Variants in TBC1D22A observed in about 807,000 individuals in gnomAD.
TBC1D22A encodes the protein TBC1 domain family member 22A.
Under a neutral mutation model 60.2 loss-of-function variants are expected in TBC1D22A, and 38 were observed. The observed-to-expected ratio is 0.63, with a 90% confidence interval of 0.49 to 0.83. The LOEUF (loss-of-function observed/expected upper bound fraction) is 0.83. Ranked by LOEUF, TBC1D22A falls within the 40% of genes least tolerant of loss-of-function variation. The pLI is 0.00. For missense variants in TBC1D22A, 628 were observed against 701.0 expected (o/e 0.90, Z 1.18); for synonymous variants, 302 against 281.7 (o/e 1.07, Z -0.72).
intron 4 of TBC1D22A, among the ~76,000 whole-genome samples, chr22:46,799,730 C>T (rs928983719): frequency 3.9e-5 from 6 of 152,158 alleles, no homozygotes; most frequent in Non-Finnish European, 7.3e-5. Context: ...TGTGGGATGT[C>T]CCTTGGTTTG....
intron 5 of TBC1D22A, among the ~76,000 whole-genome samples, chr22:46,889,313 A>C (rs1172100875): frequency 6.6e-6 from 1 of 152,212 alleles, no homozygotes; most frequent in Non-Finnish European, 1.5e-5. Context: ...ATCATTATGG[A>C]AACGAAATTA....
chr22:46,792,612 TC>T, intron 2 of TBC1D22A, 36 bp downstream of exon 2: 3 of 1,614,126 alleles, frequency 1.9e-6, no homozygotes, highest in Non-Finnish European at 2.5e-6. Flanking sequence ...GCGTCTCGGC[TC>T]TGATATGGGA....
rs146386859 is a variant in TBC1D22A, at chr22:47,009,477, TATCACCATCATTTC to T, written c.1201+11780_1201+11793del. Among the ~76,000 whole-genome samples the T allele has an allele frequency of 1.2e-5, 1 of 86,408 alleles. No individual in the cohort carries two copies. Among genetic ancestry groups the T allele is most frequent in the Non-Finnish European group, 2.8e-5 (1 of 35,858 alleles). 56.7% of individuals were successfully genotyped at this position (86,408 alleles called of 152,430 possible). A position where few individuals can be genotyped will look rare whatever the true frequency, so the allele number is the denominator to read the frequency against. ...TTTCTGTCATCACCATCGTCATCAC[TATCACCATCATTTC>T]ATCACCATCATCACCACCATCATCT... is the stretch of plus-strand genomic sequence containing the variant. On this transcript the variant is annotated intron_variant, in intron 10 of 12. Transcript: ENST00000337137. This position sits in a 1 kb window ranked among gnomAD's most constrained non-coding sequence, Gnocchi z 5.8.
chr22:47,135,274 G>A (rs1047372204), intron 12 of TBC1D22A, among the ~76,000 whole-genome samples: 1 of 152,224 alleles, frequency 6.6e-6, no homozygotes. Context: ...CTTCGATGAG[G>A]GTCTGCGGTG....
At chr22:47,125,387 G>T (rs1317260175) in intron 12 of TBC1D22A, among the ~76,000 whole-genome samples, 2 of 152,344 alleles carry the variant, frequency 1.3e-5, no homozygotes, top group Non-Finnish European at 2.9e-5. Context: ...GACACACCCA[G>T]AGCATCTTCT....
intron 4 of TBC1D22A, among the ~76,000 whole-genome samples, chr22:46,820,285 A>G (rs964541754): frequency 6.6e-6 from 1 of 151,734 alleles, no homozygotes; most frequent in African/African-American, 2.4e-5. Flanking sequence ...CTTTTGGATT[A>G]GTTTGCTCTT....
intron 6 of TBC1D22A, among the ~76,000 whole-genome samples, chr22:46,893,990 C>G (rs922928611): frequency 5.3e-5 from 8 of 152,248 alleles, no homozygotes; most frequent in African/African-American, 1.7e-4. Context: ...TCCCAGCCTC[C>G]TGGGTGTTAG....
At chr22:47,002,918 G>A (rs2061446207) in intron 10 of TBC1D22A, among the ~76,000 whole-genome samples, 1 of 152,184 alleles carries the variant, frequency 6.6e-6, no homozygotes, top group Non-Finnish European at 1.5e-5. Flanking sequence ...GGCCTTCCCA[G>A]CAACAGCATC....
At chr22:47,042,547 C>T (rs4474) in intron 11 of TBC1D22A, among the ~76,000 whole-genome samples, 97,759 of 152,226 alleles carry the variant, frequency 0.64, 32,389 homozygotes, top group East Asian at 0.92. Context: ...GTTCCTCCTG[C>T]ACCCTGTGGG....
chr22:47,101,985 T>C (rs1210588278), intron 11 of TBC1D22A, among the ~76,000 whole-genome samples: 1 of 152,190 alleles, frequency 6.6e-6, no homozygotes, highest in Non-Finnish European at 1.5e-5. Flanking sequence ...CTAGTCTTTT[T>C]GGCTTTCTGC....
chr22:46,875,651 C>T (rs545717008), intron 4 of TBC1D22A, among the ~76,000 whole-genome samples: 104 of 152,226 alleles, frequency 6.8e-4, no homozygotes, highest in Non-Finnish European at 1.2e-3. Context: ...GGGGTTTCAC[C>T]ATGTTGGCCA....
intron 11 of TBC1D22A, among the ~76,000 whole-genome samples, chr22:47,095,890 A>G (rs1196934289): frequency 5.3e-5 from 8 of 152,226 alleles, no homozygotes. Context: ...ACCCTTTCCC[A>G]GGGCTGGGCT....
intron 11 of TBC1D22A, among the ~76,000 whole-genome samples, chr22:47,099,546 A>G (rs2065326960): frequency 6.6e-6 from 1 of 151,954 alleles, no homozygotes; most frequent in African/African-American, 2.4e-5. Context: ...CCCGGGTTCA[A>G]GCAATTCTCC....
intron 12 of TBC1D22A, among the ~76,000 whole-genome samples, chr22:47,166,798 G>C (rs188543915): frequency 1.2e-4 from 19 of 152,380 alleles, no homozygotes; most frequent in Admixed American, 8.5e-4. Flanking sequence ...GGCATGAAGG[G>C]CCTGGACCTC....
At chr22:47,095,614 G>A (rs1395927121) in intron 11 of TBC1D22A, among the ~76,000 whole-genome samples, 1 of 117,348 alleles carries the variant, frequency 8.5e-6, no homozygotes. Flanking sequence ...TAAGGCATCA[G>A]GATTTCCCCG....
At chr22:46,938,143 TCAC>T (rs1462919287) in intron 8 of TBC1D22A, among the ~76,000 whole-genome samples, 4 of 152,188 alleles carry the variant, frequency 2.6e-5, no homozygotes, top group Non-Finnish European at 2.9e-5. Flanking sequence ...ACTCACTGAC[TCAC>T]CCAGAGCAAC....
At chr22:46,794,689 G>C (rs1569043670) in intron 3 of TBC1D22A, among the ~76,000 whole-genome samples, 1 of 152,236 alleles carries the variant, frequency 6.6e-6, no homozygotes, top group Non-Finnish European at 1.5e-5. Context: ...GAGGCAGCAG[G>C]TGCCACGGTC....
At chr22:47,021,965 C>T (rs561306703) in intron 10 of TBC1D22A, among the ~76,000 whole-genome samples, 2 of 152,170 alleles carry the variant, frequency 1.3e-5, no homozygotes, top group Non-Finnish European at 2.9e-5. Context: ...GAGTGGCTTA[C>T]AGTGAGGGTC....
chr22:47,060,356 C>G (rs560526164), intron 11 of TBC1D22A, among the ~76,000 whole-genome samples: 1 of 151,644 alleles, frequency 6.6e-6, no homozygotes, highest in African/African-American at 2.4e-5. Context: ...ATTCTTCTGC[C>G]TCAGCCTCCC....
Sources: gnomAD v4.1 joint callset for allele counts (sites outside exome capture counted in the v4.1 genomes callset) on GRCh38, gnomAD v4.1.1 for gene constraint, Gnocchi (gnomAD v3.1) non-coding constraint, MANE v1.5 for transcripts, NCBI Gene and HGNC (gene_info 2026-07-23, HGNC 2026-07-21) for gene names.